The following MTOR variants were observed in gnomAD, a reference collection of about 807,000 sequenced individuals.
MTOR encodes the protein mechanistic target of rapamycin kinase, also known as serine/threonine-protein kinase mTOR.
A neutral mutation model predicts 319.8 loss-of-function variants in MTOR; 70 were observed. The observed-to-expected ratio is 0.22, with a 90% CI of 0.18 to 0.27. MTOR has a LOEUF of 0.27. Among genes scored for constraint, MTOR ranks in the 10% least tolerant of loss-of-function variants. The pLI, the probability that MTOR is intolerant of heterozygous loss-of-function variation, is 1.00. For synonymous variants in MTOR, 1,183 were observed against 1,211.4 expected, an observed-to-expected ratio of 0.98 and a Z score of 0.49; for missense variants, 1,890 against 3,274.4, an observed-to-expected ratio of 0.58 and a Z score of 10.32.
At chr1:11,170,859 C>T (rs552360398) in intron 28 of MTOR, among the ~76,000 whole-genome samples, 23 of 151,124 alleles carry the variant, frequency 1.5e-4, no homozygotes, top group African/African-American at 4.9e-4. Flanking sequence ...ACACGCCGGG[C>T]GGCCTTGGTA....
intron 28 of MTOR, chr1:11,189,728 A>C (rs762956547): frequency 3.1e-6 from 5 of 1,614,204 alleles, no homozygotes; most frequent in Non-Finnish European, 4.2e-6. Flanking sequence ...GAGGAGGTGA[A>C]GGAGCTCAAG....
intron 5 of MTOR, among the ~76,000 whole-genome samples, chr1:11,255,720 C>T (rs1048147666): frequency 6.6e-6 from 1 of 152,070 alleles, no homozygotes; most frequent in Non-Finnish European, 1.5e-5. Context: ...TGGCACACGC[C>T]TGTAGTCCTA....
At position 11,129,808 on chromosome 1, in the gene MTOR, C is replaced by A; in HGVS notation, c.5644G>T (p.Val1882Leu). Residue 1882 changes from valine to leucine, a missense_variant, in exon 40 of 58, where the codon GTG becomes TTG. Val to Leu is a conservative substitution (Grantham distance 32). Coordinates refer to ENST00000361445, the MANE Select transcript of MTOR (RefSeq NM_004958.4). The surrounding 1 kb of genome is among the most constrained non-coding windows in gnomAD (Gnocchi z 4.7). ...CGGAAGAAGCCCTGGACGGCAGGCACCGTGTACATCAGGAGGGTTTTGGAC... is the reference window on the plus strand; with the variant it reads ...CGGAAGAAGCCCTGGACGGCAGGCAACGTGTACATCAGGAGGGTTTTGGAC... ...DLSKTLLMYT[V>L]PAVQGFFRSI... 6.2e-7 allele frequency: 1 copy of A among 1,614,234 alleles called. No homozygotes were observed. The highest frequency in any genetic ancestry group is 1.1e-5 in the South Asian group (1 of 91,088).
intron 28 of MTOR, among the ~76,000 whole-genome samples, chr1:11,178,394 A>C (rs1645052368): frequency 6.6e-6 from 1 of 152,196 alleles, no homozygotes; most frequent in Non-Finnish European, 1.5e-5. Flanking sequence ...CAGGTTTGCA[A>C]CTGAGGAGCC....
intron 19 of MTOR, among the ~76,000 whole-genome samples, chr1:11,219,975 G>C (rs1361686193): frequency 7.0e-6 from 1 of 142,642 alleles, no homozygotes; most frequent in Non-Finnish European, 1.5e-5. Context: ...GGAGGTTGCA[G>C]TTAACCGAGA....
chr1:11,252,496 G>C (rs1649824789), intron 6 of MTOR, among the ~76,000 whole-genome samples: 1 of 151,984 alleles, frequency 6.6e-6, no homozygotes, highest in African/African-American at 2.4e-5. Flanking sequence ...GATATAGAGA[G>C]CCAACATCAT....
intron 28 of MTOR, among the ~76,000 whole-genome samples, chr1:11,190,977 C>T (rs1434086792): frequency 6.6e-6 from 1 of 152,182 alleles, no homozygotes; most frequent in Non-Finnish European, 1.5e-5. Context: ...ACTTTCTAAG[C>T]ATGGACTTCC....
chr1:11,190,584 G>A (rs574762272), intron 28 of MTOR, among the ~76,000 whole-genome samples: 18 of 152,158 alleles, frequency 1.2e-4, no homozygotes, highest in African/African-American at 4.1e-4. Flanking sequence ...GAATTTCTCC[G>A]AATACAGGAT....
chr1:11,120,105 T>C lies in MTOR; in HGVS notation c.6933+1141A>G, dbSNP rs903407866. Among the ~76,000 whole-genome samples, 3 of 151,042 alleles carry C rather than the reference T, an allele frequency of 2.0e-5. No individual in the cohort carries two copies. In the South Asian group the frequency reaches 6.3e-4, roughly 32 times the overall value. On this transcript the variant is annotated intron_variant, in intron 49 of 57. Transcript: ENST00000361445. ...TATATAAAATTGCTTTGAGACAAGG[T>C]CTCGCTCTGTCACCCAGGACGGAGT...
At chr1:11,164,110 C>T (rs530036703) in intron 29 of MTOR, among the ~76,000 whole-genome samples, 30 of 151,874 alleles carry the variant, frequency 2.0e-4, no homozygotes, top group Middle Eastern at 3.4e-3. Flanking sequence ...TTTGGGAGGC[C>T]GAGGTGGGCG....
chr1:11,127,493 A>G lies in MTOR; in HGVS notation c.6216+131T>C. 1 of 1,106,622 alleles carries G rather than the reference A, an allele frequency of 9.0e-7. No homozygotes were observed. The highest frequency in any genetic ancestry group is 1.3e-6 in the Non-Finnish European group (1 of 789,370). The allele number at this position is 1,106,622 out of a possible 1,614,324, so 68.6% of individuals were successfully genotyped here. A position where few individuals can be genotyped will look rare whatever the true frequency, so the allele number is the denominator to read the frequency against. ...TTTTATTAAAGTCAGTGGAAAGGCC[A>G]GAGGAAAAGAAATCTGACAAAGGCC... On this transcript the variant is annotated intron_variant, in intron 44 of 57. Transcript: ENST00000361445. The surrounding 1 kb of genome is among the most constrained non-coding windows in gnomAD (Gnocchi z 5.5).
Position 11,212,770 on chromosome 1 carries a change from G to T in MTOR, c.3398+26C>A. ...AACAAAACATTAAAGCTTAAAGATT[G>T]CTAGTCCCAAAGAGGAGGTGCTCAC... On this transcript the variant is annotated intron_variant, in intron 22 of 57. Transcript: ENST00000361445. The surrounding 1 kb of genome is among the most constrained non-coding windows in gnomAD (Gnocchi z 4.1). 1 of 1,536,480 alleles carries T rather than the reference G, an allele frequency of 6.5e-7. No homozygotes were observed. The highest frequency in any genetic ancestry group is 9.0e-7 in the Non-Finnish European group (1 of 1,109,716).
chr1:11,202,456 A>G (rs1268643077), intron 26 of MTOR, among the ~76,000 whole-genome samples: 1 of 151,338 alleles, frequency 6.6e-6, no homozygotes, highest in African/African-American at 2.4e-5. Flanking sequence ...TACTATTTAA[A>G]ACAATATTTT....
chr1:11,130,687 G>T lies in MTOR; in HGVS notation c.5455C>A (p.His1819Asn). Residue 1819 changes from histidine to asparagine, a missense_variant, in exon 39 of 58, where the codon CAT (histidine) becomes AAT (asparagine). Physicochemically the swap from His to Asn is moderately conservative, Grantham distance 68. Around this residue, in one of 15 missense-constraint regions of MTOR, gnomAD observed 91 missense variants for 90.4 expected, o/e 1.01. Coordinates refer to ENST00000361445, the MANE Select transcript of MTOR (RefSeq NM_004958.4). ...QARDEKKKLR[H>N]ASGANITNAT... Reference sequence around the variant, plus strand: ...TTGGTGATGTTGGCCCCGCTGGCATGACGCAGTTTCTTCTTCTCATCGCGG... The same window carrying T: ...TTGGTGATGTTGGCCCCGCTGGCATTACGCAGTTTCTTCTTCTCATCGCGG... 1 of 1,610,266 alleles carries T rather than the reference G, an allele frequency of 6.2e-7. No individual in the cohort carries two copies. Among genetic ancestry groups the T allele is most frequent in the East Asian group, 2.2e-5 (1 of 44,828 alleles).
Position 11,212,323 on chromosome 1 carries a change from G to C in MTOR, c.3550C>G (p.Leu1184Val), listed in dbSNP as rs201856342. ...MDTLSSLVFQ[L>V]GKKYQIFIPM... is the part of the protein sequence containing the mutation. The stretch of plus-strand genomic sequence containing the variant: ...GACTCCCATCTTACCTTCTTCCCCA[G>C]CTGAAAAACAAGTGAAGACAGCGTG... The change falls in exon 23 of 58, where the codon CTG becomes GTG. Residue 1184 changes from leucine to valine, a missense_variant. Physicochemically the swap from Leu to Val is conservative, Grantham distance 32. Coordinates refer to ENST00000361445, the MANE Select transcript of MTOR (RefSeq NM_004958.4). The surrounding 1 kb of genome is among the most constrained non-coding windows in gnomAD (Gnocchi z 4.1). 5.0e-6 allele frequency: 8 copies of C among 1,613,638 alleles called. No individual in the cohort carries two copies. The East Asian group carries it at 1.8e-4, about 36-fold the overall frequency.
At chr1:11,168,390 T>C (rs1644713444) in intron 28 of MTOR, among the ~76,000 whole-genome samples, 1 of 152,016 alleles carries the variant, frequency 6.6e-6, no homozygotes, top group South Asian at 2.1e-4. Flanking sequence ...CCTTCAGTAG[T>C]AGGAATAACA....
chr1:11,166,245 T>C (rs1206365988), intron 29 of MTOR, among the ~76,000 whole-genome samples: 1 of 152,014 alleles, frequency 6.6e-6, no homozygotes, highest in African/African-American at 2.4e-5. Context: ...AATTGACAAA[T>C]GGGATCTAAT....
intron 13 of MTOR, among the ~76,000 whole-genome samples, chr1:11,236,352 T>C (rs987497622): frequency 2.6e-5 from 4 of 151,994 alleles, no homozygotes; most frequent in African/African-American, 9.7e-5. Context: ...CCCAGGCTGG[T>C]CTTGTCAAAC....
In MTOR at chr1:11,109,422, G is replaced by A. The variant is rs1027687648; in HGVS notation, c.7448-52C>T. On this transcript the variant is annotated intron_variant, in intron 55 of 57. Coordinates refer to ENST00000361445, the MANE Select transcript of MTOR (RefSeq NM_004958.4). This position sits in a 1 kb window ranked among gnomAD's most constrained non-coding sequence, Gnocchi z 4.0. ...TGTAAGAATGGGAGCAATACAACAG[G>A]TTCAATGGGTGCCCTGTTTTTCTCA... The A allele has an allele frequency of 5.3e-6, 8 of 1,512,980 alleles. No individual in the cohort carries two copies. The highest frequency in any genetic ancestry group is 2.3e-5 in the East Asian group (1 of 44,430). 93.7% of individuals were successfully genotyped at this position (1,512,980 alleles called of 1,614,324 possible).
Sources: gnomAD v4.1 joint callset for allele counts (sites outside exome capture counted in the v4.1 genomes callset) on GRCh38, gnomAD v4.1.1 for gene constraint, gnomAD v4.1.1 regional missense constraint, Gnocchi (gnomAD v3.1) non-coding constraint, MANE v1.5 for transcripts, NCBI Gene and HGNC (gene_info 2026-07-23, HGNC 2026-07-21) for gene names.